Variants in MSH3 observed in about 807,000 individuals in gnomAD.
MSH3 encodes mutS homolog 3, also known as DNA mismatch repair protein Msh3.
In MSH3, 106 loss-of-function variants were observed where a neutral mutation model predicts 123.3. The observed-to-expected ratio is 0.86, with a 90% CI of 0.73 to 1.01. MSH3 has a LOEUF of 1.01. Ranked by LOEUF, MSH3 falls within the 50% of genes least tolerant of loss-of-function variation. The pLI is 0.00. For missense variants in MSH3, 1,459 were observed against 1,347.6 expected, an observed-to-expected ratio of 1.08 and a Z score of -1.29; for synonymous variants, 515 against 481.4, an observed-to-expected ratio of 1.07 and a Z score of -0.91.
chr5:80,743,067 G>A (rs909713721), intron 11 of MSH3, among the ~76,000 whole-genome samples: 3 of 151,936 alleles, frequency 2.0e-5, no homozygotes, highest in South Asian at 2.1e-4. Flanking sequence ...ACCGCCCCTC[G>A]CCCACCTTTC....
At chr5:80,735,718 A>G (rs1743494093) in intron 10 of MSH3, among the ~76,000 whole-genome samples, 1 of 152,116 alleles carries the variant, frequency 6.6e-6, no homozygotes, top group Non-Finnish European at 1.5e-5. Context: ...AAAGAACAGA[A>G]GAGCGAGATG....
At chr5:80,759,216 G>A (rs544710066) in intron 12 of MSH3, among the ~76,000 whole-genome samples, 2 of 152,300 alleles carry the variant, frequency 1.3e-5, no homozygotes, top group South Asian at 4.2e-4. Flanking sequence ...GAAAGACAGT[G>A]AAGTAGTAAA....
intron 8 of MSH3, among the ~76,000 whole-genome samples, chr5:80,721,055 T>C (rs181747): frequency 0.37 from 55,735 of 151,994 alleles, 10,446 homozygotes; most frequent in African/African-American, 0.45. Flanking sequence ...TAGGCAATTA[T>C]TAATTTTCCA....
intron 13 of MSH3, 46 bp from the exon 14 acceptor site, chr5:80,767,887 T>A (rs1744148461): frequency 6.9e-7 from 1 of 1,451,710 alleles, no homozygotes. Context: ...TAAACTTCAT[T>A]TTCATGTATC....
At chr5:80,777,136 G>A (rs1264248566) in intron 16 of MSH3, among the ~76,000 whole-genome samples, 1 of 151,758 alleles carries the variant, frequency 6.6e-6, no homozygotes, top group Admixed American at 6.6e-5. Context: ...TCGCCATTTG[G>A]CCAGGCTGGT....
At chr5:80,726,720 C>G (rs1289653750) in intron 9 of MSH3, among the ~76,000 whole-genome samples, 1 of 152,148 alleles carries the variant, frequency 6.6e-6, no homozygotes, top group Non-Finnish European at 1.5e-5. Flanking sequence ...CCTCCCACCT[C>G]AGTCTGCCAA....
rs1264926491 is a variant in MSH3 at position 80,876,503 on chromosome 5, C to A, written c.*641C>A. 1 of 153,994 alleles carries A rather than the reference C, an allele frequency of 6.5e-6. No individual in the cohort carries two copies. Among genetic ancestry groups the A allele is most frequent in the Non-Finnish European group, 1.4e-5 (1 of 69,264 alleles). 9.5% of individuals were successfully genotyped at this position (153,994 alleles called of 1,614,324 possible). ...AATTAGCTGGGCATGGTGGCGCACA[C>A]CTGTAGTCCCAGCTACTCCGGAGGC... On this transcript the variant is annotated 3_prime_UTR_variant, in exon 24 of 24. Transcript: ENST00000265081.
At chr5:80,808,863 A>ATATATATATATATATC (rs1554074153) in intron 19 of MSH3, among the ~76,000 whole-genome samples, 1 of 119,430 alleles carries the variant, frequency 8.4e-6, no homozygotes, top group Non-Finnish European at 1.7e-5. Context: ...TTCTTCATAT[A>ATATATATATATATATC]TATATATATA....
Position 80,864,810 on chromosome 5 carries a change from T to C in MSH3, c.3001-3T>C. 6.2e-7 allele frequency: 1 copy of C among 1,609,334 alleles called. No individual in the cohort carries two copies. ...TAACATTTATTCTGTCTTATTGCTT[T>C]AGGTGAAATCCTTAACCCTGTTTGT... On this transcript the variant is annotated splice_region_variant and splice_polypyrimidine_tract_variant and intron_variant, in intron 21 of 23. Transcript: ENST00000265081.
chr5:80,747,102 C>G (rs1743735100), intron 12 of MSH3, among the ~76,000 whole-genome samples: 1 of 152,188 alleles, frequency 6.6e-6, no homozygotes, highest in Admixed American at 6.5e-5. Flanking sequence ...CAGACGCAGA[C>G]AAGATGGCTT....
intron 2 of MSH3, among the ~76,000 whole-genome samples, chr5:80,662,959 G>A (rs752234961): frequency 1.2e-4 from 19 of 152,150 alleles, no homozygotes; most frequent in Non-Finnish European, 2.6e-4. Context: ...AATAAGCCAG[G>A]AGCAGTGGCT....
At chr5:80,836,681 T>G (rs1745521073) in intron 20 of MSH3, among the ~76,000 whole-genome samples, 1 of 152,020 alleles carries the variant, frequency 6.6e-6, no homozygotes, top group South Asian at 2.1e-4. Context: ...GCATATAACC[T>G]GTGCACATCC....
intron 15 of MSH3, among the ~76,000 whole-genome samples, chr5:80,774,112 A>G (rs1206823580): frequency 6.6e-6 from 1 of 152,146 alleles, no homozygotes; most frequent in African/African-American, 2.4e-5. Flanking sequence ...CACTGAGAAA[A>G]GATAATACAT....
chr5:80,727,670 C>G (rs1743326153), intron 9 of MSH3, among the ~76,000 whole-genome samples: 1 of 151,998 alleles, frequency 6.6e-6, no homozygotes, highest in African/African-American at 2.4e-5. Flanking sequence ...TTTTGAATGC[C>G]TATTATATGC....
intron 2 of MSH3, 147 bp from the exon 3 acceptor site, chr5:80,664,992 GTTTC>G (rs1400807430): frequency 1.2e-5 from 8 of 640,658 alleles, no homozygotes; most frequent in African/African-American, 3.7e-5. Context: ...TGAACCCAGT[GTTTC>G]TTTCTTTTTT....
At chr5:80,825,953 GC>G (rs765491258) in intron 20 of MSH3, among the ~76,000 whole-genome samples, 3 of 152,164 alleles carry the variant, frequency 2.0e-5, no homozygotes, top group Admixed American at 6.5e-5. Flanking sequence ...CCTGCTATCA[GC>G]CAGTGGCTGC....
At chr5:80,759,978 A>G (rs555075004) in intron 12 of MSH3, among the ~76,000 whole-genome samples, 2 of 152,330 alleles carry the variant, frequency 1.3e-5, no homozygotes, top group African/African-American at 4.8e-5. Flanking sequence ...GAAGCTCTGT[A>G]TTATGAAAAG....
intron 22 of MSH3, among the ~76,000 whole-genome samples, chr5:80,869,782 G>GTATACATATATACATATATACATATATA (rs201470242): frequency 1.5e-5 from 2 of 129,226 alleles, no homozygotes; most frequent in Non-Finnish European, 3.3e-5. Flanking sequence ...CTTTATATAT[G>GTATACATATATACATATATACATATATA]TATACATATA....
intron 20 of MSH3, among the ~76,000 whole-genome samples, chr5:80,834,350 T>C (rs1413900111): frequency 1.3e-5 from 2 of 150,482 alleles, no homozygotes; most frequent in Admixed American, 1.3e-4. Flanking sequence ...AAATATTTTA[T>C]ATTAAAATAT....
Sources: allele counts gnomAD v4.1 joint callset (sites outside exome capture counted in the v4.1 genomes callset), GRCh38; gene constraint gnomAD v4.1.1; transcripts MANE v1.5; gene names NCBI Gene and HGNC (gene_info 2026-07-23, HGNC 2026-07-21).